IGDCC3: variants seen among roughly 807,000 people sequenced by gnomAD.
The protein encoded by IGDCC3 is putative neuronal cell adhesion molecule.
IGDCC3 carries 47 observed loss-of-function variants against 72.0 expected under a neutral mutation model. The observed-to-expected ratio is 0.65, with a 90% CI of 0.52 to 0.83. IGDCC3 has a LOEUF of 0.83. IGDCC3 is among the 40% of genes least tolerant of loss of function. The pLI, the probability that IGDCC3 is intolerant of heterozygous loss-of-function variation, is 0.00. For synonymous variants in IGDCC3, 477 were observed against 472.8 expected (o/e 1.01, Z -0.11); for missense variants, 1,038 against 1,091.3 (o/e 0.95, Z 0.69).
chr15:65,329,849 C>T lies in IGDCC3; in HGVS notation c.1874G>A (p.Cys625Tyr), dbSNP rs1357905827. The change falls in exon 12 of 14, where the codon TGT (cysteine) becomes TAT (tyrosine). Residue 625 changes from cysteine (C) to tyrosine (Y), a missense_variant. Coordinates refer to ENST00000327987, the MANE Select transcript of IGDCC3 (RefSeq NM_004884.4). The surrounding 1 kb of genome is among the most constrained non-coding windows in gnomAD (Gnocchi z 4.1). ...GGCGGCCTCCTCCTTCCGGCAGTCACATGGTGGGCTCAAGGCTGGGGACAG... is the reference window on the plus strand; with the variant it reads ...GGCGGCCTCCTCCTTCCGGCAGTCATATGGTGGGCTCAAGGCTGGGGACAG... Reference protein sequence around the residue: ...ASERTALSPPCDCRKEEAANQ... With the variant: ...ASERTALSPPYDCRKEEAANQ... The T allele has an allele frequency of 6.2e-7, 1 of 1,614,032 alleles. No individual in the cohort carries two copies.
chr15:65,341,192 C>T (rs916203982), intron 2 of IGDCC3, among the ~76,000 whole-genome samples: 3 of 152,178 alleles, frequency 2.0e-5, no homozygotes, highest in Non-Finnish European at 4.4e-5. Flanking sequence ...ATCAAAACTA[C>T]AATGGGATGT....
At chr15:65,368,852 G>A (rs1466719864) in intron 2 of IGDCC3, among the ~76,000 whole-genome samples, 1 of 152,124 alleles carries the variant, frequency 6.6e-6, no homozygotes, top group East Asian at 1.9e-4. Flanking sequence ...TACAAGGGGG[G>A]TGGGGTGGGG....
intron 2 of IGDCC3, among the ~76,000 whole-genome samples, chr15:65,337,312 G>A (rs574947623): frequency 6.6e-6 from 1 of 152,324 alleles, no homozygotes; most frequent in Non-Finnish European, 1.5e-5. Flanking sequence ...TCCTGGGAGT[G>A]TGTCTGATGG....
chr15:65,370,524 A>ATATATATATTTATATATATATGTGTGTG (rs1170802086), intron 2 of IGDCC3, among the ~76,000 whole-genome samples: 12 of 141,936 alleles, frequency 8.5e-5, no homozygotes, highest in East Asian at 8.0e-4. Flanking sequence ...AAATATATAT[A>ATATATATATTTATATATATATGTGTGTG]TATATATATA....
intron 2 of IGDCC3, chr15:65,355,755 G>C (rs1339334957): frequency 2.2e-6 from 1 of 452,458 alleles, no homozygotes; most frequent in Non-Finnish European, 4.4e-6. Context: ...AGAGAATCCG[G>C]CATTGTGCGC....
rs74387354 is a variant in IGDCC3 at position 65,362,217 on chromosome 15, G to A, written c.409+12880C>T. ...CTTTACAATTGGGAAGGGATTTTAG[G>A]AATGTTTTAATCTGGTCTCCCCACA... On this transcript the variant is annotated intron_variant, in intron 2 of 13. Transcript: ENST00000327987. 6.9e-3 allele frequency among the ~76,000 whole-genome samples: 1,052 copies of A among 152,252 alleles called. 13 individuals carry two copies. Among genetic ancestry groups the A allele is most frequent in the African/African-American group, 0.024 (1,013 of 41,544 alleles).
Position 65,331,934 on chromosome 15 carries a change from C to G in IGDCC3, c.1148+7G>C, listed in dbSNP as rs1337012911. 3 of 1,612,186 alleles carry G rather than the reference C, an allele frequency of 1.9e-6. No homozygotes were observed. Among genetic ancestry groups the G allele is most frequent in the Non-Finnish European group, 2.5e-6 (3 of 1,179,654 alleles). On this transcript the variant is annotated splice_region_variant and intron_variant, in intron 7 of 13. Coordinates refer to ENST00000327987, the MANE Select transcript of IGDCC3 (RefSeq NM_004884.4). ...GGTCCTCACCCCAGCACACACCACA[C>G]ACATACCTGTTGTTATTCTTGAGCC...
intron 2 of IGDCC3, among the ~76,000 whole-genome samples, chr15:65,345,736 C>A (rs1362462124): frequency 6.6e-6 from 1 of 152,168 alleles, no homozygotes; most frequent in Non-Finnish European, 1.5e-5. Context: ...CAAAGACCTG[C>A]AAAGGCCATC....
At chr15:65,361,883 C>A (rs1024555972) in intron 2 of IGDCC3, among the ~76,000 whole-genome samples, 2 of 152,168 alleles carry the variant, frequency 1.3e-5, no homozygotes, top group African/African-American at 2.4e-5. Context: ...CTTCCGCGGC[C>A]GCCGCACTCT....
At chr15:65,363,309 C>G (rs2091272422) in intron 2 of IGDCC3, among the ~76,000 whole-genome samples, 1 of 152,166 alleles carries the variant, frequency 6.6e-6, no homozygotes, top group Non-Finnish European at 1.5e-5. Context: ...GATGAGCCCC[C>G]AAAACCAAGG....
intron 2 of IGDCC3, among the ~76,000 whole-genome samples, chr15:65,353,344 G>A (rs955585616): frequency 6.7e-6 from 1 of 149,906 alleles, no homozygotes; most frequent in Non-Finnish European, 1.5e-5. Flanking sequence ...TCTGCCTCCC[G>A]GGTTCAAGCA....
chr15:65,353,961 A>C (rs1039715161), intron 2 of IGDCC3, among the ~76,000 whole-genome samples: 1 of 152,124 alleles, frequency 6.6e-6, no homozygotes, highest in African/African-American at 2.4e-5. Flanking sequence ...GCTGGAGTGC[A>C]GTGGCGCGAT....
chr15:65,377,833 C>A lies in IGDCC3; in HGVS notation c.-45G>T. 8.7e-7 allele frequency: 1 copy of A among 1,147,454 alleles called. No individual in the cohort carries two copies. The highest frequency in any genetic ancestry group is 4.8e-5 in the Admixed American group (1 of 20,790). 71.1% of individuals were successfully genotyped at this position (1,147,454 alleles called of 1,614,324 possible). On this transcript the variant is annotated 5_prime_UTR_variant, in exon 1 of 14. In the 5' UTR this introduces an upstream ATG that the reference lacks. Transcript: ENST00000327987. This position sits in a 1 kb window ranked among gnomAD's most constrained non-coding sequence, Gnocchi z 4.9. ...GCTCGGCGACGCGCGGCTCCCGGGC[C>A]TCTCGCGGCTCACAGCGTCCCGCGG...
rs1165699368 is a variant in IGDCC3, at chr15:65,377,606, C to A, written c.103+80G>T. 4 of 1,294,478 alleles carry A rather than the reference C, an allele frequency of 3.1e-6. No individual in the cohort carries two copies. The African/African-American group carries it at 6.2e-5, about 20-fold the overall frequency. The allele number at this position is 1,294,478 out of a possible 1,614,324, so 80.2% of individuals were successfully genotyped here. A position where few individuals can be genotyped will look rare whatever the true frequency, so the allele number is the denominator to read the frequency against. On this transcript the variant is annotated intron_variant, in intron 1 of 13. Transcript: ENST00000327987. This position sits in a 1 kb window ranked among gnomAD's most constrained non-coding sequence, Gnocchi z 4.9. ...GTCCGCGCCGCTCTCCCCGGGTCCGCCCCTCGCGCCCGCTCCCTCCCTGCT... is the reference window on the plus strand; with the variant it reads ...GTCCGCGCCGCTCTCCCCGGGTCCGACCCTCGCGCCCGCTCCCTCCCTGCT...
At chr15:65,365,769 C>A (rs1290120214) in intron 2 of IGDCC3, among the ~76,000 whole-genome samples, 4 of 152,202 alleles carry the variant, frequency 2.6e-5, no homozygotes, top group African/African-American at 9.7e-5. Context: ...GGAACTCTCA[C>A]AAAACTGAAG....
chr15:65,362,121 G>T (rs1567070412), intron 2 of IGDCC3, among the ~76,000 whole-genome samples: 1 of 152,052 alleles, frequency 6.6e-6, no homozygotes, highest in East Asian at 1.9e-4. Context: ...AGGGAGCTGG[G>T]GGGCCTGGAG....
chr15:65,339,830 G>C lies in IGDCC3; in HGVS notation c.410-3874C>G, dbSNP rs1034066124. Among the ~76,000 whole-genome samples, 21 of 152,358 alleles carry C rather than the reference G, an allele frequency of 1.4e-4. No individual in the cohort carries two copies. Among genetic ancestry groups the C allele is most frequent in the African/African-American group, 4.8e-4 (20 of 41,578 alleles). On this transcript the variant is annotated intron_variant, in intron 2 of 13. Coordinates refer to ENST00000327987, the MANE Select transcript of IGDCC3 (RefSeq NM_004884.4). The surrounding 1 kb of genome is among the most constrained non-coding windows in gnomAD (Gnocchi z 4.1). ...GCTCTTGATGCTTTACACTCCTGCG[G>C]ATATCTGTTGGTCTGGTAGGGACAG...
At chr15:65,353,513 G>C (rs1412964618) in intron 2 of IGDCC3, among the ~76,000 whole-genome samples, 1 of 152,166 alleles carries the variant, frequency 6.6e-6, no homozygotes, top group African/African-American at 2.4e-5. Flanking sequence ...GCCTCCCAAA[G>C]TGCTGGGATT....
intron 2 of IGDCC3, among the ~76,000 whole-genome samples, chr15:65,354,341 C>G (rs1296341065): frequency 6.6e-6 from 1 of 152,192 alleles, no homozygotes; most frequent in Non-Finnish European, 1.5e-5. Context: ...AGGACACTCT[C>G]CTCTCATGCT....
Sources: allele counts gnomAD v4.1 joint callset (sites outside exome capture counted in the v4.1 genomes callset), GRCh38; gene constraint gnomAD v4.1.1; non-coding constraint Gnocchi (gnomAD v3.1); transcripts MANE v1.5; gene names NCBI Gene and HGNC (gene_info 2026-07-23, HGNC 2026-07-21).